ACACB: variants seen among roughly 807,000 people sequenced by gnomAD.
ACACB encodes the protein acetyl-CoA carboxylase beta.
ACACB carries 209 observed loss-of-function variants against 278.8 expected under a neutral mutation model. That is an observed-to-expected ratio of 0.75 (90% CI 0.67 to 0.84). The LOEUF (loss-of-function observed/expected upper bound fraction) is 0.84. Among genes scored for constraint, ACACB ranks in the 40% least tolerant of loss-of-function variants. The probability of loss-of-function intolerance (pLI) is 0.00; values close to 1 mark genes in which losing one functional copy is unlikely to be tolerated. For missense variants in ACACB, 2,850 were observed against 3,269.0 expected (o/e 0.87, Z 3.13); for synonymous variants, 1,174 against 1,285.6 (o/e 0.91, Z 1.86).
intron 2 of ACACB, among the ~76,000 whole-genome samples, chr12:109,157,078 A>T (rs2043564250): frequency 6.6e-6 from 1 of 151,862 alleles, no homozygotes; most frequent in South Asian, 2.1e-4. Flanking sequence ...CCCCCTATTT[A>T]TAATAATATG....
At position 109,267,967 on chromosome 12, in the gene ACACB, A is replaced by T. The variant is rs1024894301; in HGVS notation, c.*1605A>T. On this transcript the variant is annotated 3_prime_UTR_variant, in exon 53 of 53. Coordinates refer to ENST00000338432, the MANE Select transcript of ACACB (RefSeq NM_001093.4). ...AAGTTGAAAAAGACAAAATCTGACCATCAGCCAGTGACAGTCCTGGCAAAT... is the reference window on the plus strand; with the variant it reads ...AAGTTGAAAAAGACAAAATCTGACCTTCAGCCAGTGACAGTCCTGGCAAAT... The T allele has an allele frequency of 6.6e-6, 1 of 150,934 alleles. No individual in the cohort carries two copies. The highest frequency in any genetic ancestry group is 2.1e-4 in the South Asian group (1 of 4,788). The allele number at this position is 150,934 out of a possible 1,614,324, so 9.3% of individuals were successfully genotyped here. A position where few individuals can be genotyped will look rare whatever the true frequency, so the allele number is the denominator to read the frequency against.
chr12:109,198,786 A>ATTTTTT (rs566012613), intron 17 of ACACB, among the ~76,000 whole-genome samples: 1 of 146,026 alleles, frequency 6.8e-6, no homozygotes, highest in African/African-American at 2.5e-5. Flanking sequence ...ACGCCCAGCT[A>ATTTTTT]TTTTTTTTTT....
At position 109,139,302 on chromosome 12, in the gene ACACB, C is replaced by T. The variant is rs1447410708; in HGVS notation, c.-9-95C>T. ...CCTCGTCCAGTATTTCAGGAATACA[C>T]AGCACCCCAACAGCCTCCTGCCCCA... On this transcript the variant is annotated intron_variant, in intron 1 of 52. Coordinates refer to ENST00000338432, the MANE Select transcript of ACACB (RefSeq NM_001093.4). 6 of 1,181,376 alleles carry T rather than the reference C, an allele frequency of 5.1e-6. No individual in the cohort carries two copies. The African/African-American group carries it at 7.7e-5, about 15-fold the overall frequency. The allele number at this position is 1,181,376 out of a possible 1,614,324, so 73.2% of individuals were successfully genotyped here.
At chr12:109,172,254 C>T in intron 5 of ACACB, 21 bp from the exon 6 acceptor site, 1 of 1,610,978 alleles carries the variant, frequency 6.2e-7, no homozygotes, top group South Asian at 1.1e-5. Flanking sequence ...GATTGTTGCT[C>T]ACCCCTTTCT....
chr12:109,133,214 C>G (rs1020090012), intron 1 of ACACB, among the ~76,000 whole-genome samples: 2 of 151,694 alleles, frequency 1.3e-5, no homozygotes, highest in African/African-American at 4.9e-5. Flanking sequence ...TTGTAGCACA[C>G]TTTTGTCTTT....
chr12:109,151,275 G>A (rs562086796), intron 2 of ACACB, among the ~76,000 whole-genome samples: 97 of 152,150 alleles, frequency 6.4e-4, no homozygotes, highest in Middle Eastern at 3.4e-3. Context: ...GAGCCACTGC[G>A]CCCGGCCTCC....
At chr12:109,244,240 A>G (rs934767108) in intron 37 of ACACB, among the ~76,000 whole-genome samples, 51 of 152,192 alleles carry the variant, frequency 3.4e-4, no homozygotes, top group African/African-American at 1.2e-3. Flanking sequence ...ACCTCTGCCT[A>G]TGCCTCATGC....
intron 11 of ACACB, among the ~76,000 whole-genome samples, chr12:109,181,382 T>G (rs566921186): frequency 1.3e-5 from 2 of 152,108 alleles, no homozygotes; most frequent in East Asian, 3.9e-4. Flanking sequence ...TGCACACTAC[T>G]ATGCCCAGCT....
chr12:109,133,031 A>T (rs1283255338), intron 1 of ACACB, among the ~76,000 whole-genome samples: 1 of 151,952 alleles, frequency 6.6e-6, no homozygotes, highest in African/African-American at 2.4e-5. Flanking sequence ...TCCACACACC[A>T]CCTACTCATC....
At chr12:109,216,327 T>C (rs1400169821) in intron 22 of ACACB, among the ~76,000 whole-genome samples, 2 of 151,710 alleles carry the variant, frequency 1.3e-5, no homozygotes, top group African/African-American at 2.4e-5. Flanking sequence ...ATTCAAGCTA[T>C]TCTCATGCCT....
chr12:109,213,031 C>A, intron 22 of ACACB, 95 bp downstream of exon 22: 1 of 1,070,054 alleles, frequency 9.3e-7, no homozygotes, highest in South Asian at 1.3e-5. Context: ...TCAGGGCAGG[C>A]TTGAACTGAG....
chr12:109,254,398 GGAGCACTTTGTCTCAAGC>G, intron 44 of ACACB, 64 bp downstream of exon 44: 2 of 1,491,988 alleles, frequency 1.3e-6, no homozygotes, highest in African/African-American at 1.8e-5. Context: ...TTGAGACAAA[GGAGCACTTTGTCTCAAGC>G]GCTTGAGACA....
intron 35 of ACACB, among the ~76,000 whole-genome samples, chr12:109,240,608 A>C (rs921547501): frequency 2.7e-5 from 4 of 148,238 alleles, no homozygotes; most frequent in African/African-American, 9.8e-5. Flanking sequence ...ATTATTTAAT[A>C]ATATATATTA....
At chr12:109,133,014 T>C (rs1293452640) in intron 1 of ACACB, among the ~76,000 whole-genome samples, 1 of 152,136 alleles carries the variant, frequency 6.6e-6, no homozygotes, top group African/African-American at 2.4e-5. Context: ...TCCACTCACC[T>C]TCTCTCTCCA....
chr12:109,239,404 C>T (rs1418892346), intron 34 of ACACB, among the ~76,000 whole-genome samples: 2 of 152,148 alleles, frequency 1.3e-5, no homozygotes, highest in Non-Finnish European at 1.5e-5. Flanking sequence ...ACATGGAAGA[C>T]GTGGACGAGA....
chr12:109,147,194 TTTAA>T (rs945444107), intron 2 of ACACB, among the ~76,000 whole-genome samples: 5 of 152,242 alleles, frequency 3.3e-5, no homozygotes, highest in Admixed American at 3.3e-4. Flanking sequence ...CTTTGCAACA[TTTAA>T]TTATTTCTTG....
At chr12:109,262,531 TG>T (rs1284592074) in intron 49 of ACACB, 62 bp downstream of exon 49, 1 of 1,021,200 alleles carries the variant, frequency 9.8e-7, no homozygotes, top group Non-Finnish European at 1.5e-6. Flanking sequence ...GGCCCACTGC[TG>T]GGGGTTTCTA....
intron 2 of ACACB, among the ~76,000 whole-genome samples, chr12:109,151,156 T>C (rs1214453705): frequency 6.6e-6 from 1 of 151,988 alleles, no homozygotes; most frequent in Non-Finnish European, 1.5e-5. Context: ...AGCTAATTTT[T>C]GTATTTTTAA....
intron 11 of ACACB, among the ~76,000 whole-genome samples, chr12:109,184,534 A>T (rs938234946): frequency 6.6e-6 from 1 of 152,066 alleles, no homozygotes; most frequent in African/African-American, 2.4e-5. Flanking sequence ...ATTCACATTA[A>T]ATATTTTCCC....
Sources: gnomAD v4.1 joint callset for allele counts (sites outside exome capture counted in the v4.1 genomes callset) on GRCh38, gnomAD v4.1.1 for gene constraint, MANE v1.5 for transcripts, NCBI Gene and HGNC (gene_info 2026-07-23, HGNC 2026-07-21) for gene names.